CTNNA3: variants seen among roughly 807,000 people sequenced by gnomAD.
CTNNA3 encodes the protein catenin alpha-3.
A neutral mutation model predicts 95.7 loss-of-function variants in CTNNA3; 76 were observed. The observed-to-expected ratio is 0.79, with a 90% CI of 0.66 to 0.96. The LOEUF (loss-of-function observed/expected upper bound fraction) is 0.96. CTNNA3 is among the 40% of genes least tolerant of loss of function. The pLI is 0.00. For missense variants in CTNNA3, 1,191 were observed against 1,089.8 expected, an observed-to-expected ratio of 1.09 and a Z score of -1.31; for synonymous variants, 431 against 374.4, an observed-to-expected ratio of 1.15 and a Z score of -1.74.
chr10:66,359,617 TG>T lies in CTNNA3; in HGVS notation c.1732+19534del, dbSNP rs2092637614. On this transcript the variant is annotated intron_variant, in intron 12 of 17. Transcript: ENST00000433211. ...ACAATAGCATCAATTAGGAGATACA[TG>T]CATACCTCTGTTCTGTTTTGCATTA... 2.6e-5 allele frequency among the ~76,000 whole-genome samples: 4 copies of T among 152,292 alleles called. No homozygotes were observed. In the South Asian group the frequency reaches 8.3e-4, roughly 32 times the overall value.
chr10:67,389,546 G>T (rs1323983544), intron 5 of CTNNA3, among the ~76,000 whole-genome samples: 2 of 151,724 alleles, frequency 1.3e-5, no homozygotes, highest in Admixed American at 1.3e-4. Context: ...ACTCAGCTCT[G>T]CACCAAGCGG....
At chr10:67,188,077 C>A (rs1031875846) in intron 6 of CTNNA3, among the ~76,000 whole-genome samples, 3 of 152,128 alleles carry the variant, frequency 2.0e-5, no homozygotes, top group Non-Finnish European at 2.9e-5. Context: ...ACACTATTAA[C>A]CAAGAAAATC....
chr10:66,083,160 A>G (rs913559347), intron 14 of CTNNA3, among the ~76,000 whole-genome samples: 3 of 152,224 alleles, frequency 2.0e-5, no homozygotes, highest in Non-Finnish European at 4.4e-5. Context: ...TGTTATTAAT[A>G]GCTTATAAAC....
intron 1 of CTNNA3, among the ~76,000 whole-genome samples, chr10:67,663,988 T>G (rs768482977): frequency 2.5e-4 from 38 of 152,260 alleles, no homozygotes; most frequent in Middle Eastern, 3.4e-3. Flanking sequence ...CCCAACAACT[T>G]TTTTTACAAG....
Position 66,608,183 on chromosome 10 carries a change from C to T in CTNNA3, c.1374+13509G>A, listed in dbSNP as rs72799246. Among the ~76,000 whole-genome samples the T allele has an allele frequency of 3.1e-3, 475 of 152,176 alleles. 8 individuals are homozygous for T. Among genetic ancestry groups the T allele is most frequent in the Non-Finnish European group, 4.5e-3 (305 of 67,986 alleles). On this transcript the variant is annotated intron_variant, in intron 10 of 17. Coordinates refer to ENST00000433211, the MANE Select transcript of CTNNA3 (RefSeq NM_013266.4). ...CAAGTCAAGAGCCAAATCAGAAATG[C>T]AATCCCATCCACAATTGCCACAGAA...
Position 67,162,522 on chromosome 10 carries a change from T to C in CTNNA3, c.1047+17795A>G, listed in dbSNP as rs535498348. ...TGCAAAAGAGAAAACATTCCAGCTC[T>C]CACTGGGCTTGAGTTTTTAAAAAAA... On this transcript the variant is annotated intron_variant, in intron 7 of 17. Transcript: ENST00000433211. 3.2e-4 allele frequency among the ~76,000 whole-genome samples: 49 copies of C among 152,008 alleles called. No homozygotes were observed. In the South Asian group the frequency reaches 1.0e-2, roughly 31 times the overall value.
At chr10:66,136,497 C>CTT (rs34223799) in intron 13 of CTNNA3, among the ~76,000 whole-genome samples, 146 of 148,670 alleles carry the variant, frequency 9.8e-4, no homozygotes, top group South Asian at 3.4e-3. Context: ...AATTTCTTCA[C>CTT]TTTTTTTTTT....
In CTNNA3 at chr10:66,891,563, T is replaced by C. The variant is rs148378686; in HGVS notation, c.1048-116039A>G. ...GTTTTATCCTAAAAAAACTAGCCAT[T>C]TCCCTTGTAGATGTCATAAGCTGCT... On this transcript the variant is annotated intron_variant, in intron 7 of 17. Coordinates refer to ENST00000433211, the MANE Select transcript of CTNNA3 (RefSeq NM_013266.4). 3.2e-3 allele frequency among the ~76,000 whole-genome samples: 493 copies of C among 152,302 alleles called. 2 individuals carry two copies. Among genetic ancestry groups the C allele is most frequent in the African/African-American group, 0.011 (465 of 41,588 alleles).
chr10:66,342,562 T>C (rs557147524), intron 12 of CTNNA3, among the ~76,000 whole-genome samples: 2 of 152,156 alleles, frequency 1.3e-5, no homozygotes, highest in East Asian at 3.9e-4. Flanking sequence ...CAATGTTGCA[T>C]AGAACATATG....
At chr10:67,252,906 T>C (rs1163993477) in intron 5 of CTNNA3, among the ~76,000 whole-genome samples, 3 of 152,206 alleles carry the variant, frequency 2.0e-5, no homozygotes, top group African/African-American at 7.2e-5. Context: ...ATCTGTAAAG[T>C]TTGCAGTTTG....
At chr10:66,672,819 A>G (rs1189531670) in intron 9 of CTNNA3, among the ~76,000 whole-genome samples, 1 of 152,138 alleles carries the variant, frequency 6.6e-6, no homozygotes, top group East Asian at 1.9e-4. Context: ...AGTTTAGAAG[A>G]GCTCCTTAAG....
chr10:67,430,551 C>T (rs770473235), intron 5 of CTNNA3, among the ~76,000 whole-genome samples: 11 of 151,436 alleles, frequency 7.3e-5, no homozygotes, highest in Non-Finnish European at 1.5e-4. Flanking sequence ...TTTTACTTTC[C>T]TAATACAAGG....
chr10:66,850,533 A>G (rs1009927439), intron 7 of CTNNA3, among the ~76,000 whole-genome samples: 3 of 152,138 alleles, frequency 2.0e-5, no homozygotes, highest in African/African-American at 7.2e-5. Flanking sequence ...TAACCAATGC[A>G]TAGTGTTGTG....
chr10:66,247,591 G>A (rs1564808503), intron 13 of CTNNA3, among the ~76,000 whole-genome samples: 1 of 152,096 alleles, frequency 6.6e-6, no homozygotes, highest in East Asian at 1.9e-4. Flanking sequence ...GATCATAAAT[G>A]CAGCAAGAGA....
intron 5 of CTNNA3, among the ~76,000 whole-genome samples, chr10:67,476,837 C>G (rs1848033584): frequency 6.6e-6 from 1 of 151,884 alleles, no homozygotes; most frequent in Admixed American, 6.6e-5. Context: ...CTGAGCCACC[C>G]CACCCTCCTG....
At position 65,944,850 on chromosome 10, in the gene CTNNA3, ATCTG is replaced by A. The variant is rs775828182; in HGVS notation, c.2400+21758_2400+21761del. Among the ~76,000 whole-genome samples the A allele has an allele frequency of 4.0e-3, 517 of 129,038 alleles. 1 individual carries two copies. Among genetic ancestry groups the A allele is most frequent in the Non-Finnish European group, 6.7e-3 (408 of 60,686 alleles). The allele number at this position is 129,038 out of a possible 152,430, so 84.7% of individuals were successfully genotyped here. A position where few individuals can be genotyped will look rare whatever the true frequency, so the allele number is the denominator to read the frequency against. Reference sequence around the variant, plus strand: ...GAAGTATAGTAACAAACAAGAAAATATCTGTCTATCTATCTATCTATCTATCTAT... The same window carrying A: ...GAAGTATAGTAACAAACAAGAAAATATCTATCTATCTATCTATCTATCTAT... On this transcript the variant is annotated intron_variant, in intron 17 of 17. Transcript: ENST00000433211.
intron 5 of CTNNA3, among the ~76,000 whole-genome samples, chr10:67,411,897 T>C (rs1209783642): frequency 6.6e-6 from 1 of 152,130 alleles, no homozygotes; most frequent in Non-Finnish European, 1.5e-5. Flanking sequence ...GAAATCAATC[T>C]TACCAGCACT....
intron 5 of CTNNA3, among the ~76,000 whole-genome samples, chr10:67,255,522 G>T (rs1317865776): frequency 6.6e-6 from 1 of 152,054 alleles, no homozygotes; most frequent in African/African-American, 2.4e-5. Context: ...TATTACTGGT[G>T]CTTACTGCTA....
chr10:67,337,325 C>T (rs1048643248), intron 5 of CTNNA3, among the ~76,000 whole-genome samples: 2 of 152,108 alleles, frequency 1.3e-5, no homozygotes, highest in Non-Finnish European at 2.9e-5. Context: ...AGCAAGAGAA[C>T]TGGAATTAGA....
Sources: allele counts gnomAD v4.1 joint callset (sites outside exome capture counted in the v4.1 genomes callset), GRCh38; gene constraint gnomAD v4.1.1; transcripts MANE v1.5; gene names NCBI Gene and HGNC (gene_info 2026-07-23, HGNC 2026-07-21).